Variants in EIF4E observed in about 807,000 individuals in gnomAD.
The protein encoded by EIF4E is eIF-4F 25 kDa subunit.
For synonymous variants in EIF4E, 71 were observed against 88.5 expected, an observed-to-expected ratio of 0.80 and a Z score of 1.11; for missense variants, 113 against 265.6, an observed-to-expected ratio of 0.43 and a Z score of 3.99.
chr4:98,928,572 C>T (rs1721330058), intron 1 of EIF4E, among the ~76,000 whole-genome samples: 1 of 152,086 alleles, frequency 6.6e-6, no homozygotes, highest in Admixed American at 6.5e-5. Flanking sequence ...AACACTCGCC[C>T]ACCAGCTCCC....
chr4:98,889,844 G>T (rs13136880), intron 3 of EIF4E, among the ~76,000 whole-genome samples: 3 of 151,804 alleles, frequency 2.0e-5, no homozygotes, highest in Non-Finnish European at 2.9e-5. Flanking sequence ...TTTTTTGGGG[G>T]GTGCAGAAGA....
chr4:98,888,586 T>C (rs1724017702), intron 3 of EIF4E, among the ~76,000 whole-genome samples: 1 of 152,204 alleles, frequency 6.6e-6, no homozygotes, highest in Non-Finnish European at 1.5e-5. Context: ...CCCTGCAGTC[T>C]GTATTTCTAA....
intron 1 of EIF4E, among the ~76,000 whole-genome samples, chr4:98,922,188 C>T (rs1725670493): frequency 6.6e-6 from 1 of 152,154 alleles, no homozygotes; most frequent in Non-Finnish European, 1.5e-5. Flanking sequence ...AATTTAAACT[C>T]CACCCCACCA....
chr4:98,898,107 T>C (rs1357752497), intron 2 of EIF4E, among the ~76,000 whole-genome samples: 1 of 151,264 alleles, frequency 6.6e-6, no homozygotes, highest in African/African-American at 2.4e-5. Flanking sequence ...GCATGTGTCC[T>C]ACGAAAAAGG....
At chr4:98,924,409 T>G (rs889649429) in intron 1 of EIF4E, among the ~76,000 whole-genome samples, 1 of 151,940 alleles carries the variant, frequency 6.6e-6, no homozygotes, top group East Asian at 1.9e-4. Context: ...TTAAACAATA[T>G]TTTACTTAAA....
At chr4:98,914,173 T>C (rs925756893) in intron 1 of EIF4E, among the ~76,000 whole-genome samples, 5 of 151,246 alleles carry the variant, frequency 3.3e-5, no homozygotes, top group Non-Finnish European at 5.9e-5. Context: ...CTGGCCAACA[T>C]GGTGAAACCT....
At chr4:98,893,674 A>C (rs1455061655) in intron 2 of EIF4E, among the ~76,000 whole-genome samples, 1 of 152,230 alleles carries the variant, frequency 6.6e-6, no homozygotes, top group East Asian at 1.9e-4. Flanking sequence ...TGCTCTCTGC[A>C]CATCTGCAGT....
At chr4:98,913,207 C>CAA (rs140208198) in intron 1 of EIF4E, among the ~76,000 whole-genome samples, 5 of 131,802 alleles carry the variant, frequency 3.8e-5, no homozygotes, top group African/African-American at 1.2e-4. Flanking sequence ...GACTCCATCT[C>CAA]AAAAAAAAAA....
Position 98,901,922 on chromosome 4 carries a change from C to T in EIF4E, c.79G>A (p.Glu27Lys), listed in dbSNP as rs1407830526. 2.5e-6 allele frequency: 4 copies of T among 1,612,806 alleles called. No individual in the cohort carries two copies. The highest frequency in any genetic ancestry group is 3.4e-6 in the Non-Finnish European group (4 of 1,179,896). ...ATATAGTGTTCTGGGTTAGCAACCTCCTGATTAGATTCCGTTTTCTCCTCT... is the reference window on the plus strand; with the variant it reads ...ATATAGTGTTCTGGGTTAGCAACCTTCTGATTAGATTCCGTTTTCTCCTCT... ...TEEEKTESNQ[E>K]VANPEHYIKH... Residue 27 changes from glutamate (E) to lysine (K), a missense_variant, in exon 2 of 7, where the codon GAG becomes AAG. Physicochemically the swap from Glu to Lys is moderately conservative, Grantham distance 56. Coordinates refer to ENST00000450253, the MANE Select transcript of EIF4E (RefSeq NM_001968.5).
chr4:98,927,518 C>T (rs1323781358), intron 1 of EIF4E, among the ~76,000 whole-genome samples: 2 of 151,656 alleles, frequency 1.3e-5, no homozygotes, highest in African/African-American at 4.8e-5. Context: ...TAGCCAGGCA[C>T]GGTTGTGCGC....
chr4:98,902,057 G>A, intron 1 of EIF4E, 75 bp from the exon 2 acceptor site: 1 of 1,375,004 alleles, frequency 7.3e-7, no homozygotes, highest in Admixed American at 1.8e-5. Context: ...AACTAAACCT[G>A]AACTGATATG....
intron 3 of EIF4E, among the ~76,000 whole-genome samples, chr4:98,890,137 T>C (rs1285889820): frequency 1.3e-5 from 2 of 152,328 alleles, no homozygotes; most frequent in East Asian, 3.9e-4. Context: ...AAATATCTAT[T>C]AGAAGCCAAG....
rs1226665891 is a variant in EIF4E, at chr4:98,880,538, G to C, written c.*490C>G. The C allele has an allele frequency of 9.6e-6, 1 of 104,242 alleles. No individual in the cohort carries two copies. The highest frequency in any genetic ancestry group is 1.9e-5 in the Non-Finnish European group (1 of 52,656). 6.5% of individuals were successfully genotyped at this position (104,242 alleles called of 1,614,324 possible). ...ATAAATTAAAATCTAGCAGCCATCA[G>C]CAAGAGTACAGCAAAGACAATGCTG... On this transcript the variant is annotated 3_prime_UTR_variant, in exon 7 of 7. Coordinates refer to ENST00000450253, the MANE Select transcript of EIF4E (RefSeq NM_001968.5).
chr4:98,910,570 A>G (rs1056510476), intron 1 of EIF4E, among the ~76,000 whole-genome samples: 1 of 152,162 alleles, frequency 6.6e-6, no homozygotes, highest in South Asian at 2.1e-4. Flanking sequence ...CTAACTCATG[A>G]GTGAATAGAG....
chr4:98,907,773 T>C lies in EIF4E; in HGVS notation c.19-5791A>G, dbSNP rs527514242. Reference sequence around the variant, plus strand: ...AGGGATTTAAGTGATCTAGGGTAAGTCCTTAAAATCCCTGTAAGGATCAGT... The same window carrying C: ...AGGGATTTAAGTGATCTAGGGTAAGCCCTTAAAATCCCTGTAAGGATCAGT... On this transcript the variant is annotated intron_variant, in intron 1 of 6. Coordinates refer to ENST00000450253, the MANE Select transcript of EIF4E (RefSeq NM_001968.5). 1.3e-3 allele frequency among the ~76,000 whole-genome samples: 197 copies of C among 152,244 alleles called. 3 individuals carry two copies. Among genetic ancestry groups the C allele is most frequent in the Non-Finnish European group, 7.9e-4 (54 of 68,004 alleles).
intron 2 of EIF4E, chr4:98,895,512 C>T (rs772510881): frequency 2.6e-5 from 4 of 152,078 alleles, no homozygotes; most frequent in Non-Finnish European, 5.9e-5. Flanking sequence ...GAAGAGCCTT[C>T]CAAATTGAAT....
chr4:98,915,862 T>C (rs1279154473), intron 1 of EIF4E, among the ~76,000 whole-genome samples: 1 of 151,796 alleles, frequency 6.6e-6, no homozygotes, highest in Non-Finnish European at 1.5e-5. Flanking sequence ...ATAATACTTT[T>C]CTTCATGGTA....
intron 2 of EIF4E, among the ~76,000 whole-genome samples, chr4:98,898,706 T>A (rs1404359496): frequency 1.3e-5 from 2 of 152,162 alleles, no homozygotes; most frequent in African/African-American, 4.8e-5. Context: ...ATTTTACATT[T>A]CTCAAGTTTT....
intron 2 of EIF4E, 80 bp downstream of exon 2, chr4:98,901,796 C>CT: frequency 7.7e-7 from 1 of 1,302,878 alleles, no homozygotes; most frequent in Non-Finnish European, 1.1e-6. Flanking sequence ...GTCTCATAAT[C>CT]TAACTTTCCC....
Sources: allele counts gnomAD v4.1 joint callset (sites outside exome capture counted in the v4.1 genomes callset), GRCh38; gene constraint gnomAD v4.1.1; transcripts MANE v1.5; gene names NCBI Gene and HGNC (gene_info 2026-07-23, HGNC 2026-07-21).